Variants in MUC6 observed in about 807,000 individuals in gnomAD.
MUC6 encodes the protein mucin-6.
In MUC6, 188 loss-of-function variants were observed where a neutral mutation model predicts 201.5. The observed-to-expected ratio is 0.93, with a 90% CI of 0.83 to 1.05. The LOEUF (loss-of-function observed/expected upper bound fraction) is 1.05. MUC6 is among the 50% of genes least tolerant of loss of function. The pLI, the probability that MUC6 is intolerant of heterozygous loss-of-function variation, is 0.00. For missense variants in MUC6, 2,706 were observed against 3,256.9 expected (o/e 0.83, Z 4.12); for synonymous variants, 1,228 against 1,389.4 (o/e 0.88, Z 2.58).
intron 14 of MUC6, 66 bp from the exon 15 acceptor site, chr11:1,028,125 A>C: frequency 3.3e-6 from 5 of 1,533,936 alleles, no homozygotes; most frequent in Non-Finnish European, 4.4e-6. Context: ...CCTCCCAGGG[A>C]CCCCCCACCC....
Position 1,026,445 on chromosome 11 carries a change from C to T in MUC6, c.2428G>A (p.Ala810Thr), listed in dbSNP as rs753671023. ...TCGGCATTCTCGTAGAGGCCCTCGG[C>T]GCAGACACAGCCAGGCTCACACTTG... ...PTKCEPGCVC[A>T]EGLYENADGQ... The change falls in exon 20 of 33, where the codon GCC becomes ACC. Residue 810 changes from alanine (A) to threonine (T), a missense_variant. Ala to Thr is a moderately conservative substitution (Grantham distance 58, BLOSUM62 0). Transcript: ENST00000421673. 54 of 1,605,782 alleles carry T rather than the reference C, an allele frequency of 3.4e-5. No individual in the cohort carries two copies. Among genetic ancestry groups the T allele is most frequent in the Non-Finnish European group, 4.2e-5 (49 of 1,177,182 alleles).
At chr11:1,030,366 T>TACCCCCCCCCC in intron 7 of MUC6, 31 bp from the exon 8 acceptor site, 1 of 1,489,594 alleles carries the variant, frequency 6.7e-7, no homozygotes. Flanking sequence ...GGTGAGAGGG[T>TACCCCCCCCCC]CCCACCCCCC....
At chr11:1,020,829 A>G in intron 27 of MUC6, 95 bp from the exon 28 acceptor site, 1 of 1,473,704 alleles carries the variant, frequency 6.8e-7, no homozygotes, top group East Asian at 2.3e-5. Context: ...AGAGATGCTC[A>G]CCAAGGCTGT....
Position 1,036,642 on chromosome 11 carries a change from C to A in MUC6, c.14G>T (p.Trp5Leu), listed in dbSNP as rs958504641. The change falls in exon 1 of 33, where the codon TGG becomes TTG. Residue 5 changes from tryptophan to leucine, a missense_variant. Physicochemically the swap from Trp to Leu is moderately conservative, Grantham distance 61. Transcript: ENST00000421673. MVQR[W>L]LLLSCCGALL... ...GGCTCCGCAGCAGGACAGCAGCAGC[C>A]ACCGCTGGACCATGGTGCACAGTGG... 5.2e-6 allele frequency: 8 copies of A among 1,547,538 alleles called. No homozygotes were observed. The African/African-American group carries it at 5.5e-5, about 11-fold the overall frequency.
At chr11:1,025,770 C>T (rs767360852) in intron 22 of MUC6, 35 bp downstream of exon 22, 23 of 1,568,860 alleles carry the variant, frequency 1.5e-5, no homozygotes, top group South Asian at 5.7e-5. Flanking sequence ...CCCTACCGCC[C>T]GTCCTGCCCT....
intron 9 of MUC6, 33 bp downstream of exon 9, chr11:1,029,462 G>A: frequency 6.2e-7 from 1 of 1,609,382 alleles, no homozygotes; most frequent in Non-Finnish European, 8.5e-7. Flanking sequence ...ACCCCTGCCG[G>A]CCGGCCAGAG....
Position 1,019,302 on chromosome 11 carries a change from C to G in MUC6, c.4003G>C (p.Ala1335Pro), listed in dbSNP as rs748457581. The G allele has an allele frequency of 6.2e-7, 1 of 1,613,988 alleles. No individual in the cohort carries two copies. Among genetic ancestry groups the G allele is most frequent in the Non-Finnish European group, 8.5e-7 (1 of 1,179,900 alleles). The part of the protein sequence containing the change: ...TRTTMTLPTP[A>P]TSGTSPTLPK... ...AGCGTGGGGCTTGTCCCTGATGTGG[C>G]TGGGGTTGGTAGTGTCATTGTGGTC... The change falls in exon 30 of 33, where the codon GCC becomes CCC. Residue 1335 changes from alanine to proline, a missense_variant. Around this residue, in one of 10 missense-constraint regions of MUC6, gnomAD observed 1,850 missense variants for 1,958.3 expected, o/e 0.94. Coordinates refer to ENST00000421673, the MANE Select transcript of MUC6 (RefSeq NM_005961.3).
At chr11:1,019,942 G>T (rs1237846282) in intron 29 of MUC6, 148 bp downstream of exon 29, 6 of 1,097,542 alleles carry the variant, frequency 5.5e-6, no homozygotes, top group Non-Finnish European at 8.0e-6. Flanking sequence ...CCCCAGTTTG[G>T]CTCCCAAGCA....
rs1856787995 is a variant in MUC6, at chr11:1,020,729, G to A, written c.3595C>T (p.Pro1199Ser). 6.2e-7 allele frequency: 1 copy of A among 1,612,806 alleles called. No homozygotes were observed. The highest frequency in any genetic ancestry group is 8.5e-7 in the Non-Finnish European group (1 of 1,179,870). The change falls in exon 28 of 33, where the codon CCC (proline) becomes TCC (serine). Residue 1199 changes from proline to serine, a missense_variant. Physicochemically the swap from Pro to Ser is moderately conservative, Grantham distance 74. Around this residue, in one of 10 missense-constraint regions of MUC6, gnomAD observed 1,850 missense variants for 1,958.3 expected, o/e 0.94. Transcript: ENST00000421673. ...GTGGTGGGTGGCTGCGGCGTGGTGG[G>A]CGGCACTGCAAGAAGATGGGGTCAG... ...EEGVCVPCMPPTTPQPPTTPQ... is the reference protein window; with the variant it reads ...EEGVCVPCMPSTTPQPPTTPQ...
intron 1 of MUC6, among the ~76,000 whole-genome samples, chr11:1,035,566 C>T (rs749401243): frequency 2.6e-4 from 37 of 142,738 alleles, no homozygotes; most frequent in Middle Eastern, 3.7e-3. Flanking sequence ...TGGTGGGGAG[C>T]GAGCTCAGAG....
Position 1,012,988 on chromosome 11 carries a change from G to A in MUC6, c.*468C>T. ...CCACCCTCTGCCCTCCCTGACTCTGGGGATCTCCTCTTCTCTGTGCTGGTG... is the reference window on the plus strand; with the variant it reads ...CCACCCTCTGCCCTCCCTGACTCTGAGGATCTCCTCTTCTCTGTGCTGGTG... On this transcript the variant is annotated 3_prime_UTR_variant, in exon 33 of 33. Transcript: ENST00000421673. 1 of 159,974 alleles carries A rather than the reference G, an allele frequency of 6.3e-6. No individual in the cohort carries two copies. The highest frequency in any genetic ancestry group is 1.4e-5 in the Non-Finnish European group (1 of 73,680). The allele number at this position is 159,974 out of a possible 1,614,324, so 9.9% of individuals were successfully genotyped here.
At chr11:1,023,468 G>T in intron 26 of MUC6, 41 bp downstream of exon 26, 1 of 1,547,026 alleles carries the variant, frequency 6.5e-7, no homozygotes. Flanking sequence ...GAGTGAATGG[G>T]TCCCCCTGTG....
chr11:1,014,151 A>G, intron 31 of MUC6, 150 bp from the exon 32 acceptor site: 2 of 671,580 alleles, frequency 3.0e-6, no homozygotes, highest in Non-Finnish European at 5.0e-6. Context: ...CAGAGCTCAG[A>G]CCTCAGCCAT....
intron 26 of MUC6, 66 bp downstream of exon 26, chr11:1,023,443 T>G: frequency 6.6e-7 from 1 of 1,508,472 alleles, no homozygotes; most frequent in South Asian, 1.2e-5. Flanking sequence ...TGTGAATGAA[T>G]GAATGTGCAT....
chr11:1,036,574 C>G (rs886944713), intron 1 of MUC6, 30 bp downstream of exon 1: 2 of 1,548,478 alleles, frequency 1.3e-6, no homozygotes, highest in Non-Finnish European at 1.7e-6. Flanking sequence ...GAGGGCACCG[C>G]AGTGTCTGGC....
chr11:1,027,376 T>C lies in MUC6; in HGVS notation c.2123A>G (p.Tyr708Cys). 6.2e-7 allele frequency: 1 copy of C among 1,612,872 alleles called. No homozygotes were observed. The highest frequency in any genetic ancestry group is 8.5e-7 in the Non-Finnish European group (1 of 1,179,806). ...CACACACTCGCCCTTTTGGTTCAGGTAGGTGCCATCGGGGCAGTTGCAACC... is the reference window on the plus strand; with the variant it reads ...CACACACTCGCCCTTTTGGTTCAGGCAGGTGCCATCGGGGCAGTTGCAACC... The part of the protein sequence containing the change: ...VDGCNCPDGT[Y>C]LNQKGECVRK... The change falls in exon 17 of 33, where the codon TAC becomes TGC. Residue 708 changes from tyrosine to cysteine, a missense_variant. Physicochemically the swap from Tyr to Cys is radical, Grantham distance 194. Coordinates refer to ENST00000421673, the MANE Select transcript of MUC6 (RefSeq NM_005961.3).
chr11:1,034,124 G>A (rs565946720), intron 1 of MUC6, among the ~76,000 whole-genome samples: 2 of 152,318 alleles, frequency 1.3e-5, no homozygotes, highest in Admixed American at 6.5e-5. Context: ...GGTGTTAACC[G>A]CGGTCCAGGG....
chr11:1,031,711 T>G lies in MUC6; in HGVS notation c.379A>C (p.Ser127Arg). The change falls in exon 4 of 33, where the codon AGC becomes CGC. Residue 127 changes from serine to arginine, a missense_variant. This residue lies in a region of MUC6 where 1,850 missense variants were observed against 1,958.3 expected (regional missense o/e 0.94). Transcript: ENST00000421673. ...AAGGGTGTGATCTGGAGTCCATTGC[T>G]GGTATAGGGCAGGCTGATGACCCTG... ...DIGVISLPYTSNGLQITPFGQ... is the reference protein window; with the variant it reads ...DIGVISLPYTRNGLQITPFGQ... 6.4e-7 allele frequency: 1 copy of G among 1,550,808 alleles called. No homozygotes were observed. Among genetic ancestry groups the G allele is most frequent in the South Asian group, 1.2e-5 (1 of 84,064 alleles).
chr11:1,026,292 G>T (rs781493572), intron 20 of MUC6, 35 bp downstream of exon 20: 5 of 1,552,584 alleles, frequency 3.2e-6, no homozygotes, highest in Non-Finnish European at 4.3e-6. Context: ...ATGGCCCCAG[G>T]AGCCCAGGGC....
Sources: gnomAD v4.1 joint callset for allele counts (sites outside exome capture counted in the v4.1 genomes callset) on GRCh38, gnomAD v4.1.1 for gene constraint, gnomAD v4.1.1 regional missense constraint, MANE v1.5 for transcripts, NCBI Gene and HGNC (gene_info 2026-07-23, HGNC 2026-07-21) for gene names.